Variants in PARD3B observed in about 807,000 individuals in gnomAD.
PARD3B encodes the protein partitioning defective 3 homolog B.
Under a neutral mutation model 130.2 loss-of-function variants are expected in PARD3B, and 103 were observed. That is an observed-to-expected ratio of 0.79 (90% confidence interval 0.67 to 0.93). The LOEUF (loss-of-function observed/expected upper bound fraction) is 0.93. Ranked by LOEUF, PARD3B falls within the 40% of genes least tolerant of loss-of-function variation. PARD3B has a pLI of 0.00. For missense variants in PARD3B, 1,609 were observed against 1,499.2 expected, an observed-to-expected ratio of 1.07 and a Z score of -1.21; for synonymous variants, 583 against 553.2, an observed-to-expected ratio of 1.05 and a Z score of -0.76.
intron 18 of PARD3B, among the ~76,000 whole-genome samples, chr2:205,302,078 T>TTTC (rs1184590772): frequency 1.5e-5 from 2 of 136,022 alleles, no homozygotes; most frequent in Non-Finnish European, 3.2e-5. Flanking sequence ...TTTTTTTTTT[T>TTTC]TTTTTTTTTT....
chr2:205,144,624 A>G (rs1479599620), intron 10 of PARD3B, among the ~76,000 whole-genome samples: 2 of 152,202 alleles, frequency 1.3e-5, no homozygotes, highest in Non-Finnish European at 2.9e-5. Context: ...AATTATTAAG[A>G]TAAAAGGCAA....
chr2:205,563,584 C>T lies in PARD3B; in HGVS notation c.3260+10181C>T, dbSNP rs1242835803. On this transcript the variant is annotated intron_variant, in intron 22 of 22. Transcript: ENST00000406610. This position sits in a 1 kb window ranked among gnomAD's most constrained non-coding sequence, Gnocchi z 4.2. ...ATATCTTAGACCATATGAAGAATAGCCCATGTTCATTGTGAACATCTTTTA... is the reference window on the plus strand; with the variant it reads ...ATATCTTAGACCATATGAAGAATAGTCCATGTTCATTGTGAACATCTTTTA... Among the ~76,000 whole-genome samples, 1 of 151,726 alleles carries T rather than the reference C, an allele frequency of 6.6e-6. No homozygotes were observed. Among genetic ancestry groups the T allele is most frequent in the Non-Finnish European group, 1.5e-5 (1 of 67,972 alleles).
intron 2 of PARD3B, among the ~76,000 whole-genome samples, chr2:204,795,907 C>G (rs1302615781): frequency 6.6e-6 from 1 of 152,104 alleles, no homozygotes; most frequent in Non-Finnish European, 1.5e-5. Flanking sequence ...TGAATCCTGT[C>G]ATTTTTGTCT....
chr2:204,641,962 TAG>T (rs2035092254), intron 1 of PARD3B, among the ~76,000 whole-genome samples: 1 of 152,178 alleles, frequency 6.6e-6, no homozygotes, highest in Non-Finnish European at 1.5e-5. Flanking sequence ...TTATTCTATT[TAG>T]AAATATTGAA....
chr2:205,052,421 A>C (rs1032452448), intron 4 of PARD3B, among the ~76,000 whole-genome samples: 2 of 11,654 alleles, frequency 1.7e-4, no homozygotes, highest in East Asian at 2.6e-3. Flanking sequence ...ATATATATGT[A>C]TATATATATA....
At chr2:204,672,935 T>C (rs2125212126) in intron 1 of PARD3B, among the ~76,000 whole-genome samples, 1 of 152,354 alleles carries the variant, frequency 6.6e-6, no homozygotes, top group South Asian at 2.1e-4. Context: ...GAAATGGCGC[T>C]GCCTTTGGAA....
intron 3 of PARD3B, among the ~76,000 whole-genome samples, chr2:205,032,191 T>C (rs1351606424): frequency 6.6e-6 from 1 of 152,028 alleles, no homozygotes; most frequent in African/African-American, 2.4e-5. Flanking sequence ...AATCCGTGGA[T>C]CATTGCCTTA....
At chr2:205,188,751 G>C (rs945508397) in intron 14 of PARD3B, among the ~76,000 whole-genome samples, 1 of 140,582 alleles carries the variant, frequency 7.1e-6, no homozygotes, top group Non-Finnish European at 1.5e-5. Flanking sequence ...CAGGAGGATT[G>C]AGCAAGAAAG....
At chr2:205,097,924 TGA>T (rs759235751) in intron 4 of PARD3B, among the ~76,000 whole-genome samples, 2 of 152,094 alleles carry the variant, frequency 1.3e-5, no homozygotes, top group East Asian at 1.9e-4. Flanking sequence ...TGAAGTCAAC[TGA>T]GAGATTTCCA....
intron 20 of PARD3B, among the ~76,000 whole-genome samples, chr2:205,442,455 A>G (rs2047751849): frequency 6.6e-6 from 1 of 151,990 alleles, no homozygotes; most frequent in South Asian, 2.1e-4. Context: ...GATGCCTGCA[A>G]CCACGGCTGG....
At chr2:205,140,035 C>T (rs1478192749) in intron 10 of PARD3B, among the ~76,000 whole-genome samples, 2 of 152,166 alleles carry the variant, frequency 1.3e-5, no homozygotes, top group African/African-American at 2.4e-5. Context: ...ATTGCGTTGC[C>T]TCTGCTCTTA....
intron 2 of PARD3B, among the ~76,000 whole-genome samples, chr2:204,948,754 A>G (rs1283743523): frequency 3.3e-5 from 5 of 152,226 alleles, no homozygotes; most frequent in Non-Finnish European, 5.9e-5. Context: ...TCTTAGTCCA[A>G]TAAAAATAGG....
chr2:204,773,280 A>T, intron 2 of PARD3B, among the ~76,000 whole-genome samples: 1 of 151,988 alleles, frequency 6.6e-6, no homozygotes, highest in East Asian at 1.9e-4. Context: ...TGGATTAGTC[A>T]TCTGCATACT....
intron 2 of PARD3B, among the ~76,000 whole-genome samples, chr2:204,694,521 T>C (rs2037518224): frequency 1.3e-5 from 2 of 152,048 alleles, no homozygotes; most frequent in Non-Finnish European, 2.9e-5. Flanking sequence ...TAGTTAGTGA[T>C]AGAGTGGGAA....
intron 2 of PARD3B, among the ~76,000 whole-genome samples, chr2:204,926,721 C>A (rs1687650513): frequency 6.6e-6 from 1 of 152,098 alleles, no homozygotes; most frequent in Non-Finnish European, 1.5e-5. Context: ...CTCTTAAATT[C>A]TGGTACAGTA....
chr2:205,036,388 A>G (rs1048072259), intron 3 of PARD3B, among the ~76,000 whole-genome samples: 2 of 147,296 alleles, frequency 1.4e-5, no homozygotes, highest in African/African-American at 4.9e-5. Flanking sequence ...AGCAGACTAT[A>G]TAAAAAATAT....
rs143575463 is a variant in PARD3B at position 205,464,486 on chromosome 2, A to T, written c.3044+23814A>T. ...CTGTCAACAAGTAAGTTGCAGCCAC[A>T]GTTAAGCACAGCTAGAGCAGCCAGA... On this transcript the variant is annotated intron_variant, in intron 20 of 22. Coordinates refer to ENST00000406610, the MANE Select transcript of PARD3B (RefSeq NM_001302769.2). Among the ~76,000 whole-genome samples, 184 of 152,262 alleles carry T rather than the reference A, an allele frequency of 1.2e-3. 1 individual carries two copies. Among genetic ancestry groups the T allele is most frequent in the African/African-American group, 3.9e-3 (162 of 41,556 alleles).
intron 2 of PARD3B, among the ~76,000 whole-genome samples, chr2:204,856,925 T>C (rs1365144393): frequency 6.6e-6 from 1 of 152,116 alleles, no homozygotes; most frequent in Non-Finnish European, 1.5e-5. Context: ...GTTTTGATTA[T>C]AAAAGAGTTT....
At chr2:204,649,151 C>A (rs747593075) in intron 1 of PARD3B, among the ~76,000 whole-genome samples, 1 of 148,306 alleles carries the variant, frequency 6.7e-6, no homozygotes, top group Non-Finnish European at 1.5e-5. Flanking sequence ...ATTTCATATT[C>A]CCACCAGCAA....
Sources: gnomAD v4.1 joint callset for allele counts (sites outside exome capture counted in the v4.1 genomes callset) on GRCh38, gnomAD v4.1.1 for gene constraint, Gnocchi (gnomAD v3.1) non-coding constraint, MANE v1.5 for transcripts, NCBI Gene and HGNC (gene_info 2026-07-23, HGNC 2026-07-21) for gene names.